The following CACNA2D3 variants were observed in gnomAD, a reference collection of about 807,000 sequenced individuals.
CACNA2D3 encodes voltage-dependent calcium channel subunit alpha-2/delta-3.
A neutral mutation model predicts 160.6 loss-of-function variants in CACNA2D3; 60 were observed. That is an observed-to-expected ratio of 0.37 (90% CI 0.30 to 0.46). The LOEUF (loss-of-function observed/expected upper bound fraction) is 0.46. Ranked by LOEUF, CACNA2D3 falls within the 20% of genes least tolerant of loss-of-function variation. The pLI is 1.00. For missense variants in CACNA2D3, 1,205 were observed against 1,365.0 expected (o/e 0.88, Z 1.85); for synonymous variants, 558 against 492.9 (o/e 1.13, Z -1.75).
intron 29 of CACNA2D3, among the ~76,000 whole-genome samples, chr3:54,970,615 GCTCTC>G (rs895845465): frequency 1.4e-4 from 2 of 14,364 alleles, no homozygotes; most frequent in East Asian, 1.7e-3. Flanking sequence ...CCTCTCCTCT[GCTCTC>G]CTCTCCTCTC....
chr3:54,985,234 T>C (rs1702588634), intron 30 of CACNA2D3, among the ~76,000 whole-genome samples: 1 of 152,168 alleles, frequency 6.6e-6, no homozygotes, highest in Non-Finnish European at 1.5e-5. Flanking sequence ...CTGCACCATG[T>C]GCAGTGTAGG....
intron 3 of CACNA2D3, among the ~76,000 whole-genome samples, chr3:54,349,290 T>A (rs966582919): frequency 6.6e-6 from 1 of 152,134 alleles, no homozygotes; most frequent in Admixed American, 6.5e-5. Flanking sequence ...CTGCTGAGAC[T>A]GTGGATTGCA....
chr3:55,065,900 C>T (rs1704624417), intron 35 of CACNA2D3, among the ~76,000 whole-genome samples: 2 of 152,174 alleles, frequency 1.3e-5, no homozygotes, highest in African/African-American at 2.4e-5. Context: ...AGTTTAGTTA[C>T]TACATTTCAT....
intron 8 of CACNA2D3, 81 bp from the exon 9 acceptor site, chr3:54,581,721 GT>G: frequency 9.0e-7 from 1 of 1,108,328 alleles, no homozygotes; most frequent in Non-Finnish European, 1.3e-6. Context: ...TTTTTTGTTT[GT>G]GTGCGTACCT....
intron 29 of CACNA2D3, among the ~76,000 whole-genome samples, chr3:54,981,828 T>C (rs1186179751): frequency 6.6e-6 from 1 of 152,244 alleles, no homozygotes; most frequent in African/African-American, 2.4e-5. Flanking sequence ...GGTCCCATCA[T>C]TGTTAATCCA....
At chr3:54,283,185 G>A (rs1702922418) in intron 2 of CACNA2D3, among the ~76,000 whole-genome samples, 1 of 152,180 alleles carries the variant, frequency 6.6e-6, no homozygotes, top group South Asian at 2.1e-4. Flanking sequence ...GAATTGATAG[G>A]GAAGGTGGTG....
chr3:54,491,525 C>G (rs1361431156), intron 4 of CACNA2D3, among the ~76,000 whole-genome samples: 1 of 152,120 alleles, frequency 6.6e-6, no homozygotes, highest in African/African-American at 2.4e-5. Flanking sequence ...GTTCATTGTT[C>G]TGAGGTTTGG....
At chr3:54,933,047 CCCTCCCTTCCTTCCTT>C (rs1428191418) in intron 27 of CACNA2D3, among the ~76,000 whole-genome samples, 1 of 135,116 alleles carries the variant, frequency 7.4e-6, no homozygotes, top group Non-Finnish European at 1.5e-5. Flanking sequence ...ATCCATCCAT[CCCTCCCTTCCTTCCTT>C]CCTTCCTTCC....
intron 11 of CACNA2D3, among the ~76,000 whole-genome samples, chr3:54,746,103 T>G (rs561455642): frequency 6.6e-6 from 1 of 152,374 alleles, no homozygotes; most frequent in South Asian, 2.1e-4. Context: ...CTGCTCAATA[T>G]AACTGTCTCC....
intron 4 of CACNA2D3, among the ~76,000 whole-genome samples, chr3:54,475,902 A>G (rs1700822356): frequency 1.3e-5 from 2 of 150,386 alleles, no homozygotes; most frequent in African/African-American, 4.9e-5. Flanking sequence ...GTGCATTAGT[A>G]TTAACTATTA....
At chr3:54,532,993 T>G (rs941667412) in intron 5 of CACNA2D3, among the ~76,000 whole-genome samples, 2 of 152,218 alleles carry the variant, frequency 1.3e-5, no homozygotes, top group African/African-American at 4.8e-5. Context: ...ATGGCCATTC[T>G]TACTAGTGTA....
intron 4 of CACNA2D3, among the ~76,000 whole-genome samples, chr3:54,390,934 T>A (rs1334773361): frequency 6.6e-6 from 1 of 151,878 alleles, no homozygotes; most frequent in African/African-American, 2.4e-5. Flanking sequence ...CACTGTGAAA[T>A]AACGCTGAGA....
At chr3:54,169,391 T>G (rs763452832) in intron 2 of CACNA2D3, among the ~76,000 whole-genome samples, 10 of 152,034 alleles carry the variant, frequency 6.6e-5, no homozygotes, top group Non-Finnish European at 1.5e-4. Flanking sequence ...AAAATAAAGC[T>G]TCATGGTCCA....
chr3:54,979,685 T>A (rs1302130996), intron 29 of CACNA2D3, among the ~76,000 whole-genome samples: 1 of 152,202 alleles, frequency 6.6e-6, no homozygotes, highest in Non-Finnish European at 1.5e-5. Flanking sequence ...TGAACAGAAC[T>A]CCTGTTCTGT....
chr3:54,328,885 G>A lies in CACNA2D3; in HGVS notation c.321+8327G>A, dbSNP rs112026653. 1.6e-3 allele frequency among the ~76,000 whole-genome samples: 246 copies of A among 152,306 alleles called. 4 individuals carry two copies. Among genetic ancestry groups the A allele is most frequent in the Non-Finnish European group, 1.4e-3 (97 of 68,030 alleles). ...GCACTAAGCTTCCTGACTTTGGGGT[G>A]CCAGCTGTTTGGAGGAATCAGCTGG... is the stretch of plus-strand genomic sequence containing the variant. On this transcript the variant is annotated intron_variant, in intron 3 of 37. Transcript: ENST00000474759.
intron 9 of CACNA2D3, among the ~76,000 whole-genome samples, chr3:54,595,093 G>T (rs1220392365): frequency 6.6e-6 from 1 of 152,210 alleles, no homozygotes; most frequent in South Asian, 2.1e-4. Context: ...TGAATATGAT[G>T]TGTTGGGACA....
At chr3:54,319,394 T>C (rs1363310818) in intron 2 of CACNA2D3, among the ~76,000 whole-genome samples, 1 of 152,184 alleles carries the variant, frequency 6.6e-6, no homozygotes, top group Admixed American at 6.5e-5. Flanking sequence ...GCCCCTTGAT[T>C]TCCCTGGGTA....
At chr3:54,967,341 G>A (rs1050913166) in intron 27 of CACNA2D3, among the ~76,000 whole-genome samples, 2 of 152,304 alleles carry the variant, frequency 1.3e-5, no homozygotes, top group East Asian at 3.9e-4. Flanking sequence ...CAAATGGGAG[G>A]TCCAGTATAG....
chr3:54,924,695 A>G (rs1451245577), intron 27 of CACNA2D3: 7 of 1,614,136 alleles, frequency 4.3e-6, no homozygotes, highest in Non-Finnish European at 5.1e-6. Flanking sequence ...TGTCCTTGAG[A>G]AGTAAAAGCC....
Sources: allele counts gnomAD v4.1 joint callset (sites outside exome capture counted in the v4.1 genomes callset), GRCh38; gene constraint gnomAD v4.1.1; transcripts MANE v1.5; gene names NCBI Gene and HGNC (gene_info 2026-07-23, HGNC 2026-07-21).